Variants in MICU1 observed in about 807,000 individuals in gnomAD.
MICU1 encodes the protein calcium uptake protein 1, mitochondrial.
MICU1 carries 45 observed loss-of-function variants against 56.8 expected under a neutral mutation model. The ratio of observed to expected loss-of-function variants is 0.79; its 90% CI spans 0.62 to 1.02. The LOEUF (loss-of-function observed/expected upper bound fraction) is 1.02, where lower values mean the gene tolerates loss of function less well. MICU1 is among the 50% of genes least tolerant of loss of function. The pLI is 0.00. For missense variants in MICU1, 504 were observed against 587.1 expected, an observed-to-expected ratio of 0.86 and a Z score of 1.46; for synonymous variants, 186 against 195.1, an observed-to-expected ratio of 0.95 and a Z score of 0.39.
In MICU1 at chr10:72,549,944, A is replaced by AAAAAAG. The variant is rs1401310841; in HGVS notation, c.493+1234_493+1235insCTTTTT. Among the ~76,000 whole-genome samples the AAAAAAG allele has an allele frequency of 1.1e-4, 16 of 151,642 alleles. 2 individuals are homozygous for AAAAAAG. The highest frequency in any genetic ancestry group is 1.8e-4 in the Non-Finnish European group (12 of 67,874). On this transcript the variant is annotated intron_variant, in intron 4 of 11. Transcript: ENST00000361114. The stretch of plus-strand genomic sequence containing the variant: ...AAACTCCATCTCAAAAAAAAAAAAA[A>AAAAAAG]AGAGAATTAGTTTCTTCATATCCTA...
At chr10:72,594,664 C>T (rs954474725) in intron 1 of MICU1, among the ~76,000 whole-genome samples, 3 of 151,990 alleles carry the variant, frequency 2.0e-5, no homozygotes, top group South Asian at 2.1e-4. Flanking sequence ...TTTCAGGGAC[C>T]GAGGTAGGAG....
rs1158266439 is a variant in MICU1, at chr10:72,533,713, G to T, written c.537+33C>A. ...TAAAAATCTTCTTAGTAAATGATAGGATATATGTATAGAAGTGTCATAGTT... is the reference window on the plus strand; with the variant it reads ...TAAAAATCTTCTTAGTAAATGATAGTATATATGTATAGAAGTGTCATAGTT... On this transcript the variant is annotated intron_variant, in intron 5 of 11. Transcript: ENST00000361114. The T allele has an allele frequency of 4.7e-6, 7 of 1,496,444 alleles. No homozygotes were observed. The East Asian group carries it at 1.4e-4, about 29-fold the overall frequency. 92.7% of individuals were successfully genotyped at this position (1,496,444 alleles called of 1,614,324 possible).
At chr10:72,380,044 G>C (rs547418689) in intron 10 of MICU1, among the ~76,000 whole-genome samples, 1 of 152,200 alleles carries the variant, frequency 6.6e-6, no homozygotes, top group Non-Finnish European at 1.5e-5. Flanking sequence ...CTGGTCCTGA[G>C]AGTTGGTTCA....
intron 10 of MICU1, among the ~76,000 whole-genome samples, chr10:72,396,000 GC>G (rs963253856): frequency 2.0e-5 from 3 of 152,192 alleles, no homozygotes; most frequent in Non-Finnish European, 4.4e-5. Context: ...CCCCTGTGTA[GC>G]CTAACTGGGA....
intron 10 of MICU1, among the ~76,000 whole-genome samples, chr10:72,390,107 T>TG (rs1863021565): frequency 6.6e-6 from 1 of 152,140 alleles, no homozygotes; most frequent in Admixed American, 6.6e-5. Flanking sequence ...TACTCTCACA[T>TG]GGGTCATGCA....
intron 1 of MICU1, among the ~76,000 whole-genome samples, chr10:72,622,952 AT>A (rs1469875603): frequency 3.3e-5 from 5 of 152,064 alleles, no homozygotes; most frequent in Non-Finnish European, 7.4e-5. Flanking sequence ...AAATAAAGCT[AT>A]TACAATATTT....
chr10:72,396,072 G>C (rs1047417319), intron 10 of MICU1, among the ~76,000 whole-genome samples: 2 of 152,186 alleles, frequency 1.3e-5, no homozygotes, highest in Non-Finnish European at 1.5e-5. Context: ...CTGGGAGGAC[G>C]CTTCCAGAGG....
At chr10:72,389,436 G>A (rs902546075) in intron 10 of MICU1, among the ~76,000 whole-genome samples, 6 of 152,184 alleles carry the variant, frequency 3.9e-5, no homozygotes, top group African/African-American at 1.4e-4. Context: ...ACTTGGGGTT[G>A]CAGAAAGCTC....
chr10:72,492,789 G>GAATAAAATAAAATAAAATAA (rs71018299), intron 6 of MICU1, among the ~76,000 whole-genome samples: 12,379 of 135,154 alleles, frequency 0.092, 711 homozygotes, highest in Non-Finnish European at 0.11. Flanking sequence ...AAATAGAATA[G>GAATAAAATAAAATAAAATAA]AATAAAATAA....
intron 4 of MICU1, among the ~76,000 whole-genome samples, chr10:72,535,785 G>A (rs1240620690): frequency 6.6e-6 from 1 of 152,118 alleles, no homozygotes; most frequent in Non-Finnish European, 1.5e-5. Flanking sequence ...CTTACTAATT[G>A]CATCAGCACT....
chr10:72,484,738 T>C (rs981864729), intron 6 of MICU1, among the ~76,000 whole-genome samples: 5 of 152,092 alleles, frequency 3.3e-5, no homozygotes, highest in African/African-American at 7.2e-5. Flanking sequence ...CTGGGCAACA[T>C]AGCGAGACCC....
chr10:72,607,005 A>G (rs974714179), intron 1 of MICU1, among the ~76,000 whole-genome samples: 12 of 151,492 alleles, frequency 7.9e-5, no homozygotes, highest in South Asian at 4.2e-4. Flanking sequence ...GCCCTACGCA[A>G]CTCTTACATC....
intron 10 of MICU1, among the ~76,000 whole-genome samples, chr10:72,402,808 G>A (rs557893846): frequency 2.5e-4 from 38 of 152,228 alleles, no homozygotes; most frequent in African/African-American, 8.9e-4. Flanking sequence ...GCCACTGTGG[G>A]AGGCTGAGAC....
intron 6 of MICU1, among the ~76,000 whole-genome samples, chr10:72,488,018 G>A (rs1263889485): frequency 6.6e-6 from 1 of 151,912 alleles, no homozygotes; most frequent in Non-Finnish European, 1.5e-5. Context: ...CCAACATGGA[G>A]AAACCCCGTC....
At chr10:72,594,081 T>A (rs1218735767) in intron 1 of MICU1, among the ~76,000 whole-genome samples, 1 of 151,966 alleles carries the variant, frequency 6.6e-6, no homozygotes, top group Non-Finnish European at 1.5e-5. Context: ...AGAGAAACAA[T>A]AAGGGGATCT....
intron 10 of MICU1, among the ~76,000 whole-genome samples, chr10:72,403,747 C>T (rs937394874): frequency 6.6e-6 from 1 of 151,418 alleles, no homozygotes; most frequent in East Asian, 1.9e-4. Context: ...CCTCTGCCTC[C>T]TGGGTTCACG....
chr10:72,515,379 T>C (rs1052755514), intron 5 of MICU1, among the ~76,000 whole-genome samples: 1 of 152,200 alleles, frequency 6.6e-6, no homozygotes, highest in Admixed American at 6.5e-5. Flanking sequence ...CGCTGTGTCA[T>C]TTTTTCTCTC....
At chr10:72,482,268 T>G (rs1694470636) in intron 6 of MICU1, among the ~76,000 whole-genome samples, 1 of 152,188 alleles carries the variant, frequency 6.6e-6, no homozygotes. Context: ...TTACATTATT[T>G]TTTGGTAGCA....
intron 10 of MICU1, among the ~76,000 whole-genome samples, chr10:72,392,496 G>T (rs1484094153): frequency 6.6e-6 from 1 of 152,096 alleles, no homozygotes; most frequent in African/African-American, 2.4e-5. Flanking sequence ...TCTTGACCCT[G>T]GGAAGCAGAG....
Sources: allele counts gnomAD v4.1 joint callset (sites outside exome capture counted in the v4.1 genomes callset), GRCh38; gene constraint gnomAD v4.1.1; transcripts MANE v1.5; gene names NCBI Gene and HGNC (gene_info 2026-07-23, HGNC 2026-07-21).